NREP: variants seen among roughly 807,000 people sequenced by gnomAD.
NREP encodes neuronal regeneration related protein.
Under a neutral mutation model 8.6 loss-of-function variants are expected in NREP, and 5 were observed. The observed-to-expected ratio is 0.58, with a 90% CI of 0.30 to 1.22. The LOEUF is 1.22. Ranked by LOEUF, NREP falls within the 50% of genes most tolerant of loss-of-function variation. The pLI, the probability that NREP is intolerant of heterozygous loss-of-function variation, is 0.07. For missense variants in NREP, 86 were observed against 82.5 expected (o/e 1.04, Z -0.17); for synonymous variants, 27 against 28.0 (o/e 0.96, Z 0.11).
intron 2 of NREP, among the ~76,000 whole-genome samples, chr5:111,852,646 C>A (rs1281088465): frequency 6.6e-6 from 1 of 152,050 alleles, no homozygotes; most frequent in Non-Finnish European, 1.5e-5. Context: ...TTAGGAAAGC[C>A]CTTTCCATTT....
Position 111,766,706 on chromosome 5 carries a change from T to G in NREP, c.136-31199A>C, listed in dbSNP as rs943901832. Among the ~76,000 whole-genome samples, 22 of 152,340 alleles carry G rather than the reference T, an allele frequency of 1.4e-4. 1 individual carries two copies. In the South Asian group the frequency reaches 4.1e-3, roughly 29 times the overall value. ...CATCCCCTAGAGTTCTGTTGCTTCC[T>G]CCCTACAACCTCAGGTTCAGATTGT... On this transcript the variant is annotated intron_variant, in intron 2 of 3. Transcript: ENST00000395634.
intron 2 of NREP, among the ~76,000 whole-genome samples, chr5:111,788,095 A>G (rs990410183): frequency 1.3e-5 from 2 of 152,184 alleles, no homozygotes; most frequent in African/African-American, 4.8e-5. Flanking sequence ...TATCTCAACA[A>G]CAACAACAAG....
chr5:111,758,064 GAC>G (rs1750848557), upstream of NREP: 1 of 985,578 alleles, frequency 1.0e-6, no homozygotes, highest in Middle Eastern at 5.2e-4. Flanking sequence ...GCCGCGCTCA[GAC>G]ACACAAAGAG....
At chr5:111,799,402 T>G (rs907246393) in intron 2 of NREP, among the ~76,000 whole-genome samples, 5 of 152,240 alleles carry the variant, frequency 3.3e-5, no homozygotes, top group African/African-American at 1.2e-4. Context: ...CCCATGAGCA[T>G]GGGATGTGTT....
intron 2 of NREP, among the ~76,000 whole-genome samples, chr5:111,851,683 T>C (rs758016151): frequency 6.6e-6 from 1 of 152,014 alleles, no homozygotes; most frequent in Non-Finnish European, 1.5e-5. Context: ...AAATTTCCCT[T>C]AGAAAGAATA....
At chr5:111,785,509 G>A (rs1290411048) in intron 2 of NREP, among the ~76,000 whole-genome samples, 1 of 151,984 alleles carries the variant, frequency 6.6e-6, no homozygotes, top group East Asian at 1.9e-4. Flanking sequence ...TGATCTCCTG[G>A]CCTCATGATC....
chr5:111,799,534 G>A (rs918910853), intron 2 of NREP, among the ~76,000 whole-genome samples: 2 of 152,056 alleles, frequency 1.3e-5, no homozygotes, highest in African/African-American at 4.8e-5. Flanking sequence ...ATTCTCTTTT[G>A]TTTTCTCCCT....
rs75568970 is a variant in NREP at position 111,871,292 on chromosome 5, A to G, written c.135+103982T>C. On this transcript the variant is annotated intron_variant, in intron 2 of 3. Coordinates refer to the NREP transcript ENST00000395634. Reference sequence around the variant, plus strand: ...GAATTCTGTAGGCAATCATAGCACAATGATAAGTATTTGTATGTCTAAACA... The same window carrying G: ...GAATTCTGTAGGCAATCATAGCACAGTGATAAGTATTTGTATGTCTAAACA... Among the ~76,000 whole-genome samples the G allele has an allele frequency of 1.6e-3, 243 of 152,282 alleles. 1 individual carries two copies. The highest frequency in any genetic ancestry group is 5.6e-3 in the African/African-American group (233 of 41,564).
At chr5:111,798,681 GT>G (rs1483028746) in intron 2 of NREP, among the ~76,000 whole-genome samples, 4 of 151,438 alleles carry the variant, frequency 2.6e-5, no homozygotes, top group Non-Finnish European at 5.9e-5. Context: ...TTCCATCCAG[GT>G]TGCTGCAAAT....
At chr5:111,938,696 TA>T (rs1755750846) in intron 2 of NREP, among the ~76,000 whole-genome samples, 5 of 152,020 alleles carry the variant, frequency 3.3e-5, no homozygotes, top group African/African-American at 1.2e-4. Flanking sequence ...TTGTAAACTT[TA>T]AATGCCTTCG....
intron 2 of NREP, among the ~76,000 whole-genome samples, chr5:111,897,201 T>C (rs1048688331): frequency 6.6e-6 from 1 of 152,156 alleles, no homozygotes; most frequent in East Asian, 1.9e-4. Context: ...GGCAGATATT[T>C]GGATACCCAT....
intron 2 of NREP, among the ~76,000 whole-genome samples, chr5:111,828,770 T>TA (rs772265529): frequency 6.6e-6 from 1 of 152,214 alleles, no homozygotes; most frequent in Non-Finnish European, 1.5e-5. Flanking sequence ...GTTGTATCAC[T>TA]AAGATATTAT....
chr5:111,745,495 A>G (rs1412714379), intron 2 of NREP, among the ~76,000 whole-genome samples: 1 of 152,206 alleles, frequency 6.6e-6, no homozygotes, highest in Non-Finnish European at 1.5e-5. Flanking sequence ...AACAAAACGC[A>G]TTTGCTGAGA....
At chr5:111,940,055 G>A (rs992278452) in intron 2 of NREP, 2 of 151,952 alleles carry the variant, frequency 1.3e-5, no homozygotes, top group African/African-American at 2.4e-5. Flanking sequence ...TGAAGAAGAA[G>A]AATCAAGTGT....
intron 2 of NREP, among the ~76,000 whole-genome samples, chr5:111,828,059 C>T (rs753628321): frequency 4.6e-4 from 70 of 151,012 alleles, no homozygotes; most frequent in Middle Eastern, 3.4e-3. Flanking sequence ...GACGGAGTTT[C>T]GCTCTTGTTT....
intron 2 of NREP, among the ~76,000 whole-genome samples, chr5:111,927,679 A>G (rs961160461): frequency 1.3e-5 from 2 of 152,166 alleles, no homozygotes; most frequent in African/African-American, 4.8e-5. Flanking sequence ...CATCTTTCAC[A>G]TGTAAAATGT....
chr5:111,929,140 TTACACA>T (rs1755470388), intron 2 of NREP, among the ~76,000 whole-genome samples: 2 of 152,162 alleles, frequency 1.3e-5, no homozygotes, highest in East Asian at 3.9e-4. Context: ...ATAGTTTAGA[TTACACA>T]TTGAATTCTA....
chr5:111,910,622 T>A (rs1754886154), intron 2 of NREP, among the ~76,000 whole-genome samples: 2 of 152,046 alleles, frequency 1.3e-5, no homozygotes, highest in Admixed American at 1.3e-4. Context: ...AGTATGGGTT[T>A]AGGCATGAAG....
At chr5:111,862,735 C>T (rs900686889) in intron 2 of NREP, among the ~76,000 whole-genome samples, 20 of 151,766 alleles carry the variant, frequency 1.3e-4, no homozygotes, top group African/African-American at 4.8e-4. Flanking sequence ...CTTAAAATAT[C>T]GAGTTTACAA....
Sources: gnomAD v4.1 joint callset for allele counts (sites outside exome capture counted in the v4.1 genomes callset) on GRCh38, gnomAD v4.1.1 for gene constraint, MANE v1.5 for transcripts, NCBI Gene and HGNC (gene_info 2026-07-23, HGNC 2026-07-21) for gene names.